Variants in ZGRF1 observed in about 807,000 individuals in gnomAD.
ZGRF1 encodes the protein zinc finger GRF-type containing 1, also known as 5'-3' DNA helicase ZGRF1.
A neutral mutation model predicts 203.5 loss-of-function variants in ZGRF1; 196 were observed. The ratio of observed to expected loss-of-function variants is 0.96; its 90% CI spans 0.86 to 1.08. ZGRF1 has a LOEUF of 1.08. Among genes scored for constraint, ZGRF1 ranks in the 50% least tolerant of loss-of-function variants. ZGRF1 has a pLI of 0.00. For missense variants in ZGRF1, 2,326 were observed against 2,416.3 expected, an observed-to-expected ratio of 0.96 and a Z score of 0.78; for synonymous variants, 809 against 841.3, an observed-to-expected ratio of 0.96 and a Z score of 0.66.
At chr4:112,554,206 C>T (rs1740514489) in intron 21 of ZGRF1, among the ~76,000 whole-genome samples, 1 of 113,776 alleles carries the variant, frequency 8.8e-6, no homozygotes, top group South Asian at 3.6e-4. Flanking sequence ...CTCCCCCCTC[C>T]CCCCACCCAC....
intron 22 of ZGRF1, among the ~76,000 whole-genome samples, chr4:112,551,251 G>A (rs1006595799): frequency 1.3e-5 from 2 of 152,196 alleles, no homozygotes; most frequent in African/African-American, 4.8e-5. Context: ...ATGTAGCCTA[G>A]TGTGTAGTAG....
At chr4:112,615,271 A>C (rs2046828135) in intron 6 of ZGRF1, among the ~76,000 whole-genome samples, 2 of 152,092 alleles carry the variant, frequency 1.3e-5, no homozygotes, top group South Asian at 4.1e-4. Flanking sequence ...TCTGTCACCC[A>C]GGCTAAAGTG....
intron 9 of ZGRF1, 52 bp from the exon 10 acceptor site, chr4:112,603,749 A>AGT: frequency 8.0e-6 from 11 of 1,375,894 alleles, no homozygotes; most frequent in Non-Finnish European, 1.0e-5. Flanking sequence ...GTTGACATAT[A>AGT]TATTCACAAA....
At chr4:112,598,451 G>A (rs11724428) in intron 10 of ZGRF1, among the ~76,000 whole-genome samples, 23,331 of 150,714 alleles carry the variant, frequency 0.15, 2,080 homozygotes, top group East Asian at 0.42. Flanking sequence ...TTATAATAAC[G>A]AAAACATTGA....
At chr4:112,575,040 C>A (rs1408241047) in intron 16 of ZGRF1, among the ~76,000 whole-genome samples, 1 of 148,884 alleles carries the variant, frequency 6.7e-6, no homozygotes, top group Non-Finnish European at 1.5e-5. Flanking sequence ...AAAAAAAAAA[C>A]AAGCAAACAA....
intron 16 of ZGRF1, among the ~76,000 whole-genome samples, chr4:112,563,733 A>C (rs1742459233): frequency 6.6e-6 from 1 of 152,236 alleles, no homozygotes; most frequent in South Asian, 2.1e-4. Flanking sequence ...ATTTATTAAG[A>C]TGATTAATAT....
intron 16 of ZGRF1, among the ~76,000 whole-genome samples, chr4:112,576,822 A>G (rs1248390606): frequency 2.0e-5 from 3 of 152,200 alleles, no homozygotes; most frequent in South Asian, 4.1e-4. Flanking sequence ...TGAAAGTGAC[A>G]GGGAGAATGG....
intron 16 of ZGRF1, among the ~76,000 whole-genome samples, chr4:112,574,533 G>GT (rs1286470573): frequency 6.6e-6 from 1 of 152,152 alleles, no homozygotes; most frequent in East Asian, 1.9e-4. Context: ...TGAGGTAATG[G>GT]GGTTAACTTA....
chr4:112,566,416 A>T (rs1261594174), intron 16 of ZGRF1, among the ~76,000 whole-genome samples: 189 of 145,698 alleles, frequency 1.3e-3, no homozygotes, highest in Admixed American at 2.3e-3. Context: ...GGTGCAGCAC[A>T]CCAGCATGGC....
At position 112,618,692 on chromosome 4, in the gene ZGRF1, T is replaced by G. The variant is rs1247837042; in HGVS notation, c.1350A>C (p.Lys450Asn). The G allele has an allele frequency of 6.2e-7, 1 of 1,612,404 alleles. No individual in the cohort carries two copies. The highest frequency in any genetic ancestry group is 1.7e-4 in the Middle Eastern group (1 of 6,058). ...CATTTTCTTTAATGAGAACTGATCCTTTAATGCACCCCTTGTCATTTTGAT... is the reference window on the plus strand; with the variant it reads ...CATTTTCTTTAATGAGAACTGATCCGTTAATGCACCCCTTGTCATTTTGAT... ...PFNQNDKGCI[K>N]GSVLIKENAQ... is the part of the protein sequence containing the mutation. Residue 450 changes from lysine (K) to asparagine (N), a missense_variant, in exon 6 of 28, where the codon AAA becomes AAC. By Grantham distance (94) the Lys-to-Asn change is moderately conservative (BLOSUM62 0). Transcript: ENST00000505019.
chr4:112,613,383 A>G (rs997495045), intron 6 of ZGRF1, among the ~76,000 whole-genome samples: 1 of 152,232 alleles, frequency 6.6e-6, no homozygotes, highest in Non-Finnish European at 1.5e-5. Flanking sequence ...TCTATATTCT[A>G]AAAAATTCAC....
chr4:112,549,369 T>C (rs1739452956), intron 22 of ZGRF1, among the ~76,000 whole-genome samples: 1 of 152,214 alleles, frequency 6.6e-6, no homozygotes, highest in African/African-American at 2.4e-5. Context: ...CATGTGTACA[T>C]ACACATATAC....
rs776233726 is a variant in ZGRF1 at position 112,539,590 on chromosome 4, T to C, written c.6272A>G (p.Lys2091Arg). ...FEKQVEEKQKKKSEKEKSKDK... is the reference protein window; with the variant it reads ...FEKQVEEKQKRKSEKEKSKDK... The stretch of plus-strand genomic sequence containing the variant: ...TTTAGATTTCTCTTTTTCACTCTTT[T>C]TCTTCTGTTTTTCTTCCACTTGTTT... Residue 2091 changes from lysine to arginine, a missense_variant, in exon 28 of 28, where the codon AAA becomes AGA. Transcript: ENST00000505019. 3.4e-5 allele frequency: 53 copies of C among 1,538,456 alleles called. No homozygotes were observed. Among genetic ancestry groups the C allele is most frequent in the Non-Finnish European group, 3.5e-6 (4 of 1,128,340 alleles).
chr4:112,625,143 CA>C (rs2047190431), intron 3 of ZGRF1, among the ~76,000 whole-genome samples: 1 of 152,092 alleles, frequency 6.6e-6, no homozygotes, highest in African/African-American at 2.4e-5. Context: ...TTTTATTAGC[CA>C]GACATGGTGG....
intron 3 of ZGRF1, among the ~76,000 whole-genome samples, chr4:112,630,445 G>A (rs1354446951): frequency 6.6e-6 from 1 of 152,116 alleles, no homozygotes; most frequent in Non-Finnish European, 1.5e-5. Flanking sequence ...CTGAACCTGG[G>A]AGGCAGAGGC....
chr4:112,541,913 T>G (rs1162283939), intron 24 of ZGRF1, among the ~76,000 whole-genome samples: 1 of 152,222 alleles, frequency 6.6e-6, no homozygotes, highest in Non-Finnish European at 1.5e-5. Context: ...GTCGTAAATA[T>G]CTCGTTAACT....
At chr4:112,592,184 A>G (rs999007451) in intron 10 of ZGRF1, among the ~76,000 whole-genome samples, 1 of 148,232 alleles carries the variant, frequency 6.7e-6, no homozygotes, top group African/African-American at 2.5e-5. Context: ...TGCAACCTCT[A>G]ACTCCCAAGT....
intron 13 of ZGRF1, 94 bp downstream of exon 13, chr4:112,586,351 T>C: frequency 4.6e-6 from 4 of 876,856 alleles, no homozygotes; most frequent in Non-Finnish European, 4.8e-6. Flanking sequence ...AGGTATTTAG[T>C]ATGAAAATTC....
At chr4:112,616,976 G>A (rs1032146751) in intron 6 of ZGRF1, among the ~76,000 whole-genome samples, 2 of 151,934 alleles carry the variant, frequency 1.3e-5, no homozygotes, top group African/African-American at 4.8e-5. Flanking sequence ...AAATGAATAA[G>A]AATAGATTTA....
Sources: gnomAD v4.1 joint callset for allele counts (sites outside exome capture counted in the v4.1 genomes callset) on GRCh38, gnomAD v4.1.1 for gene constraint, MANE v1.5 for transcripts, NCBI Gene and HGNC (gene_info 2026-07-23, HGNC 2026-07-21) for gene names.